POU6F2: variants seen among roughly 807,000 people sequenced by gnomAD.
The protein encoded by POU6F2 is POU class 6 homeobox 2.
Under a neutral mutation model 71.3 loss-of-function variants are expected in POU6F2, and 31 were observed. That is an observed-to-expected ratio of 0.43 (90% CI 0.33 to 0.59). The LOEUF (loss-of-function observed/expected upper bound fraction) is 0.59, where lower values mean the gene tolerates loss of function less well. Among genes scored for constraint, POU6F2 ranks in the 20% least tolerant of loss-of-function variants. POU6F2 has a pLI of 0.04. For missense variants in POU6F2, 783 were observed against 856.8 expected, an observed-to-expected ratio of 0.91 and a Z score of 1.07; for synonymous variants, 347 against 355.7, an observed-to-expected ratio of 0.98 and a Z score of 0.27.
intron 4 of POU6F2, among the ~76,000 whole-genome samples, chr7:39,306,420 G>A (rs570441775): frequency 6.6e-6 from 1 of 152,264 alleles, no homozygotes; most frequent in Non-Finnish European, 1.5e-5. Flanking sequence ...TTATGGATGA[G>A]GAAACCGAGG....
At chr7:39,360,887 T>G (rs1321143047) in intron 5 of POU6F2, among the ~76,000 whole-genome samples, 2 of 152,216 alleles carry the variant, frequency 1.3e-5, no homozygotes, top group African/African-American at 4.8e-5. Flanking sequence ...GTCATTCTCA[T>G]GGCAATCTTG....
At chr7:39,354,148 G>A (rs577034202) in intron 5 of POU6F2, among the ~76,000 whole-genome samples, 8 of 152,270 alleles carry the variant, frequency 5.3e-5, no homozygotes, top group African/African-American at 1.9e-4. Context: ...AACAGGGAGG[G>A]TAAACAAGAA....
intron 4 of POU6F2, among the ~76,000 whole-genome samples, chr7:39,223,382 G>A (rs1425401948): frequency 2.6e-5 from 4 of 152,154 alleles, no homozygotes; most frequent in African/African-American, 9.7e-5. Flanking sequence ...ATATATGCAG[G>A]TGGATACTCA....
chr7:39,276,380 A>G (rs1469510433), intron 4 of POU6F2, among the ~76,000 whole-genome samples: 2 of 152,202 alleles, frequency 1.3e-5, no homozygotes, highest in Non-Finnish European at 2.9e-5. Context: ...TAGAATGGCA[A>G]TCATTAAAAA....
chr7:39,461,994 A>T (rs1420918736), intron 9 of POU6F2, among the ~76,000 whole-genome samples: 1 of 152,236 alleles, frequency 6.6e-6, no homozygotes, highest in African/African-American at 2.4e-5. Context: ...TCATCTTGAC[A>T]GCCTTGGGAT....
At chr7:39,431,139 C>T (rs369557880) in intron 6 of POU6F2, among the ~76,000 whole-genome samples, 2 of 152,200 alleles carry the variant, frequency 1.3e-5, no homozygotes, top group Non-Finnish European at 2.9e-5. Context: ...CCAGGCATTG[C>T]GGGCTTGCTC....
In POU6F2 at chr7:39,007,091, A is replaced by G. The variant is rs142329279; in HGVS notation, c.105+29033A>G. Among the ~76,000 whole-genome samples, 1,358 of 152,310 alleles carry G rather than the reference A, an allele frequency of 8.9e-3. 20 individuals carry two copies. Among genetic ancestry groups the G allele is most frequent in the African/African-American group, 0.031 (1,296 of 41,562 alleles). ...AAGCTGTATCCATGGGTGGCATTAC[A>G]GTTTGTTTTACTGAACACCTACATT... On this transcript the variant is annotated intron_variant, in intron 1 of 9. Transcript: ENST00000518318.
intron 5 of POU6F2, among the ~76,000 whole-genome samples, chr7:39,354,305 G>C (rs1562800727): frequency 6.6e-6 from 1 of 152,212 alleles, no homozygotes; most frequent in Admixed American, 6.5e-5. Context: ...TTTACGTGTG[G>C]TGACCTGACA....
intron 1 of POU6F2, among the ~76,000 whole-genome samples, chr7:38,999,794 A>G (rs1184431951): frequency 1.3e-5 from 2 of 152,116 alleles, no homozygotes; most frequent in Non-Finnish European, 2.9e-5. Flanking sequence ...TTTTAGATTT[A>G]TTATTGCTTT....
intron 8 of POU6F2, among the ~76,000 whole-genome samples, chr7:39,457,455 T>A (rs892243911): frequency 6.6e-6 from 1 of 152,208 alleles, no homozygotes; most frequent in African/African-American, 2.4e-5. Context: ...CAGGGTGGGA[T>A]GCCTGCTCCG....
At chr7:39,330,187 T>C (rs1237216234) in intron 4 of POU6F2, among the ~76,000 whole-genome samples, 2 of 152,212 alleles carry the variant, frequency 1.3e-5, no homozygotes, top group Non-Finnish European at 2.9e-5. Flanking sequence ...TTTTATTAAC[T>C]TGATATATCA....
intron 1 of POU6F2, among the ~76,000 whole-genome samples, chr7:39,073,423 C>A (rs1021792802): frequency 2.6e-5 from 4 of 151,666 alleles, no homozygotes; most frequent in Admixed American, 2.0e-4. Flanking sequence ...TCCTGAGCAG[C>A]CAAATCCCCA....
chr7:39,088,376 A>G (rs1791299141), intron 2 of POU6F2, among the ~76,000 whole-genome samples: 1 of 152,198 alleles, frequency 6.6e-6, no homozygotes, highest in Non-Finnish European at 1.5e-5. Flanking sequence ...GTAACTGACT[A>G]AAACTTTCCA....
intron 4 of POU6F2, among the ~76,000 whole-genome samples, chr7:39,275,675 A>G (rs902509036): frequency 1.3e-5 from 2 of 152,208 alleles, no homozygotes; most frequent in African/African-American, 4.8e-5. Flanking sequence ...CAGTAACCAA[A>G]ACAGCATGGT....
chr7:39,140,733 A>G (rs1193300620), intron 2 of POU6F2, among the ~76,000 whole-genome samples: 1 of 152,190 alleles, frequency 6.6e-6, no homozygotes, highest in Non-Finnish European at 1.5e-5. Flanking sequence ...AGAAGTTGCA[A>G]GGATTCAGAA....
At chr7:39,382,043 A>AAAT (rs3839694) in intron 5 of POU6F2, among the ~76,000 whole-genome samples, 3,974 of 150,382 alleles carry the variant, frequency 0.026, 136 homozygotes, top group East Asian at 0.13. Flanking sequence ...ACACACAAGC[A>AAAT]AATAATAATA....
intron 2 of POU6F2, among the ~76,000 whole-genome samples, chr7:39,193,410 G>GA (rs1305074306): frequency 2.6e-5 from 4 of 152,104 alleles, no homozygotes; most frequent in East Asian, 1.9e-4. Context: ...GAAAATATCT[G>GA]AAAAATGCAA....
At chr7:39,025,329 C>T (rs529559538) in intron 1 of POU6F2, among the ~76,000 whole-genome samples, 11 of 152,228 alleles carry the variant, frequency 7.2e-5, no homozygotes, top group East Asian at 1.9e-4. Flanking sequence ...GGAGGCATCA[C>T]GCTACCTGAC....
chr7:39,006,941 T>A, intron 1 of POU6F2: 2 of 1,450,718 alleles, frequency 1.4e-6, no homozygotes, highest in South Asian at 2.3e-5. Context: ...GTTTATTGTA[T>A]AAAATCGGAG....
Sources: gnomAD v4.1 joint callset for allele counts (sites outside exome capture counted in the v4.1 genomes callset) on GRCh38, gnomAD v4.1.1 for gene constraint, MANE v1.5 for transcripts, NCBI Gene and HGNC (gene_info 2026-07-23, HGNC 2026-07-21) for gene names.